The following RELN variants were observed in gnomAD, a reference collection of about 807,000 sequenced individuals.
RELN encodes the protein reelin.
Under a neutral mutation model 427.6 loss-of-function variants are expected in RELN, and 108 were observed. That is an observed-to-expected ratio of 0.25 (90% CI 0.22 to 0.30). RELN has a LOEUF of 0.30. Ranked by LOEUF, RELN falls within the 10% of genes least tolerant of loss-of-function variation. The pLI, the probability that RELN is intolerant of heterozygous loss-of-function variation, is 1.00. For missense variants in RELN, 3,715 were observed against 4,302.8 expected, an observed-to-expected ratio of 0.86 and a Z score of 3.82; for synonymous variants, 1,524 against 1,513.4, an observed-to-expected ratio of 1.01 and a Z score of -0.16.
chr7:103,917,157 G>C lies in RELN; in HGVS notation c.255C>G (p.Asp85Glu). Residue 85 changes from aspartate (D) to glutamate (E), a missense_variant, in exon 2 of 65, where the codon GAC (aspartate) becomes GAG (glutamate). Asp to Glu is a conservative substitution (Grantham distance 45, BLOSUM62 2). Coordinates refer to ENST00000428762, the MANE Select transcript of RELN (RefSeq NM_005045.4). The stretch of plus-strand genomic sequence containing the variant: ...TGTATAGTCCTGTCACCAGCAAGCC[G>C]TCAAAAAAGGTGCTTGTTGAAATTG... ...HVTISTSTFF[D>E]GLLVTGLYTS... 1 of 1,613,128 alleles carries C rather than the reference G, an allele frequency of 6.2e-7. No individual in the cohort carries two copies. Among genetic ancestry groups the C allele is most frequent in the Non-Finnish European group, 8.5e-7 (1 of 1,179,566 alleles).
intron 2 of RELN, among the ~76,000 whole-genome samples, chr7:103,846,265 G>A (rs1242876648): frequency 6.6e-6 from 1 of 152,160 alleles, no homozygotes; most frequent in Non-Finnish European, 1.5e-5. Context: ...AGAGGCCTCA[G>A]AAATAATGCC....
Position 103,604,399 on chromosome 7 carries a change from C to T in RELN, c.3093G>A (p.Gln1031=), listed in dbSNP as rs752981135. 8 of 1,613,828 alleles carry T rather than the reference C, an allele frequency of 5.0e-6. No individual in the cohort carries two copies. The highest frequency in any genetic ancestry group is 5.9e-6 in the Non-Finnish European group (7 of 1,179,876). The change falls in exon 23 of 65, where the codon CAG becomes CAA. Residue 1031 remains glutamine, a synonymous_variant. Coordinates refer to ENST00000428762, the MANE Select transcript of RELN (RefSeq NM_005045.4). ...EWALDSIYIG[Q]QCPNMCSGHG... ...GCCCACTGCACATGTTGGGGCACTGCTGCCCAATGTAAATGCTGTCCAAAG... is the reference window on the plus strand; with the variant it reads ...GCCCACTGCACATGTTGGGGCACTGTTGCCCAATGTAAATGCTGTCCAAAG...
intron 16 of RELN, among the ~76,000 whole-genome samples, chr7:103,646,920 A>G (rs896750138): frequency 6.6e-6 from 1 of 152,022 alleles, no homozygotes; most frequent in Non-Finnish European, 1.5e-5. Context: ...AACATGATCA[A>G]GTGGGTTTCA....
chr7:103,478,326 A>C (rs192965666), intron 64 of RELN, 63 bp downstream of exon 64: 20 of 719,144 alleles, frequency 2.8e-5, no homozygotes, highest in Admixed American at 1.8e-4. Context: ...TTCTCAGTTA[A>C]GTTTGGTGTC....
At chr7:103,940,787 T>G (rs1252056670) in intron 1 of RELN, among the ~76,000 whole-genome samples, 1 of 152,224 alleles carries the variant, frequency 6.6e-6, no homozygotes, top group East Asian at 1.9e-4. Context: ...GGATAATGGA[T>G]TCAGAGAAGA....
chr7:103,617,819 G>A (rs1832119409), intron 20 of RELN, among the ~76,000 whole-genome samples: 1 of 152,060 alleles, frequency 6.6e-6, no homozygotes, highest in African/African-American at 2.4e-5. Context: ...GATCTTTCAT[G>A]AATGGCTTGG....
intron 1 of RELN, among the ~76,000 whole-genome samples, chr7:103,951,578 C>T (rs1796331639): frequency 6.6e-6 from 1 of 152,168 alleles, no homozygotes; most frequent in South Asian, 2.1e-4. Flanking sequence ...GCTGAGTTAG[C>T]CTGAACTTTT....
At chr7:103,701,470 A>C (rs1562962901) in intron 8 of RELN, among the ~76,000 whole-genome samples, 1 of 152,108 alleles carries the variant, frequency 6.6e-6, no homozygotes, top group Admixed American at 6.6e-5. Context: ...TGAGAAACTA[A>C]AATACTGTAA....
chr7:103,792,525 T>C (rs887223421), intron 3 of RELN, among the ~76,000 whole-genome samples: 5 of 101,204 alleles, frequency 4.9e-5, no homozygotes, highest in African/African-American at 2.1e-4. Flanking sequence ...GGCAATTCTA[T>C]AGCGACAGAA....
rs1001723704 is a variant in RELN at position 103,890,185 on chromosome 7, T to C, written c.337+26890A>G. Among the ~76,000 whole-genome samples the C allele has an allele frequency of 2.2e-5, 3 of 136,176 alleles. No homozygotes were observed. The South Asian group carries it at 8.0e-4, about 36-fold the overall frequency. The allele number at this position is 136,176 out of a possible 152,430, so 89.3% of individuals were successfully genotyped here. On this transcript the variant is annotated intron_variant, in intron 2 of 64. Coordinates refer to ENST00000428762, the MANE Select transcript of RELN (RefSeq NM_005045.4). ...GTTATACCTATGTCTTGGATCTGCA[T>C]AGGCACTCTGAACTTTTTTTTTTTT...
In RELN at chr7:103,989,575, G is replaced by T. The variant is rs1397182830; in HGVS notation, c.-219C>A. The T allele has an allele frequency of 2.4e-6, 1 of 411,280 alleles. No homozygotes were observed. Among genetic ancestry groups the T allele is most frequent in the Non-Finnish European group, 4.1e-6 (1 of 242,542 alleles). 25.5% of individuals were successfully genotyped at this position (411,280 alleles called of 1,614,324 possible). A position where few individuals can be genotyped will look rare whatever the true frequency, so the allele number is the denominator to read the frequency against. On this transcript the variant is annotated 5_prime_UTR_variant, in exon 1 of 65. Coordinates refer to ENST00000428762, the MANE Select transcript of RELN (RefSeq NM_005045.4). The surrounding 1 kb of genome is among the most constrained non-coding windows in gnomAD (Gnocchi z 4.9). Reference sequence around the variant, plus strand: ...CTTTGGGCCGCGGGAGCGCGGGACCGGGGCTGCGGGCGCCGAGAGCGCGTC... The same window carrying T: ...CTTTGGGCCGCGGGAGCGCGGGACCTGGGCTGCGGGCGCCGAGAGCGCGTC...
chr7:103,956,897 A>C (rs1450212756), intron 1 of RELN, among the ~76,000 whole-genome samples: 1 of 152,176 alleles, frequency 6.6e-6, no homozygotes, highest in Non-Finnish European at 1.5e-5. Context: ...AAAAGAAAAA[A>C]GCAAGCAGGG....
At chr7:103,717,490 A>T (rs538131791) in intron 8 of RELN, among the ~76,000 whole-genome samples, 2 of 150,692 alleles carry the variant, frequency 1.3e-5, no homozygotes, top group African/African-American at 4.9e-5. Flanking sequence ...CAAAAAAAAA[A>T]ATTTGTTTTA....
chr7:103,682,060 C>T, intron 11 of RELN, 56 bp downstream of exon 11: 1 of 1,520,462 alleles, frequency 6.6e-7, no homozygotes, highest in Non-Finnish European at 9.1e-7. Context: ...TAAAACACGT[C>T]CAGTAGAATA....
intron 47 of RELN, 66 bp from the exon 48 acceptor site, chr7:103,522,265 A>G: frequency 1.3e-6 from 2 of 1,494,000 alleles, no homozygotes; most frequent in Non-Finnish European, 1.9e-6. Flanking sequence ...TTGTTCTCAA[A>G]TTAGTGAAGA....
chr7:103,632,138 T>C (rs1832483764), intron 19 of RELN, among the ~76,000 whole-genome samples: 2 of 152,166 alleles, frequency 1.3e-5, no homozygotes, highest in South Asian at 4.1e-4. Flanking sequence ...GGCAGAGGTG[T>C]TAAGACTACG....
chr7:103,598,685 A>C (rs1325434706), intron 24 of RELN, among the ~76,000 whole-genome samples: 1 of 152,242 alleles, frequency 6.6e-6, no homozygotes, highest in Non-Finnish European at 1.5e-5. Context: ...ATGATGGAAA[A>C]TATCACACAA....
At chr7:103,821,590 CT>C (rs1343638091) in intron 3 of RELN, among the ~76,000 whole-genome samples, 2 of 152,126 alleles carry the variant, frequency 1.3e-5, no homozygotes, top group Non-Finnish European at 2.9e-5. Flanking sequence ...GAGAAAAGCT[CT>C]TTTGTAACCA....
At chr7:103,553,919 G>T in intron 38 of RELN, 88 bp from the exon 39 acceptor site, 1 of 1,132,998 alleles carries the variant, frequency 8.8e-7, no homozygotes, top group Non-Finnish European at 1.3e-6. Flanking sequence ...AAGGACAAAA[G>T]CAACTCAGTA....
Sources: allele counts gnomAD v4.1 joint callset (sites outside exome capture counted in the v4.1 genomes callset), GRCh38; gene constraint gnomAD v4.1.1; non-coding constraint Gnocchi (gnomAD v3.1); transcripts MANE v1.5; gene names NCBI Gene and HGNC (gene_info 2026-07-23, HGNC 2026-07-21).